Variants in TAFA1 observed in about 807,000 individuals in gnomAD.
TAFA1 encodes the protein chemokine-like protein TAFA-1.
Under a neutral mutation model 18.5 loss-of-function variants are expected in TAFA1, and 4 were observed. The ratio of observed to expected loss-of-function variants is 0.22; its 90% CI spans 0.11 to 0.49. The LOEUF (loss-of-function observed/expected upper bound fraction) is 0.49, where lower values mean the gene tolerates loss of function less well. Among genes scored for constraint, TAFA1 ranks in the 20% least tolerant of loss-of-function variants. The probability of loss-of-function intolerance (pLI) is 0.98; values close to 1 mark genes in which losing one functional copy is unlikely to be tolerated. For missense variants in TAFA1, 147 were observed against 169.0 expected (o/e 0.87, Z 0.72); for synonymous variants, 56 against 55.2 (o/e 1.01, Z -0.06).
At chr3:68,520,726 T>A (rs190326273) in intron 3 of TAFA1, among the ~76,000 whole-genome samples, 7 of 152,184 alleles carry the variant, frequency 4.6e-5, no homozygotes, top group Non-Finnish European at 7.3e-5. Context: ...AGTGTGATCA[T>A]GCATGTAAAG....
chr3:68,330,521 A>G (rs1184939656), intron 2 of TAFA1, among the ~76,000 whole-genome samples: 1 of 152,228 alleles, frequency 6.6e-6, no homozygotes, highest in Non-Finnish European at 1.5e-5. Context: ...AATAGAAATG[A>G]CAATTTATTG....
At chr3:68,039,522 T>C (rs1394334754) in intron 2 of TAFA1, among the ~76,000 whole-genome samples, 1 of 152,176 alleles carries the variant, frequency 6.6e-6, no homozygotes, top group Non-Finnish European at 1.5e-5. Context: ...ACGATTGATA[T>C]GATGTCATTC....
intron 3 of TAFA1, among the ~76,000 whole-genome samples, chr3:68,472,031 G>C (rs2872367): frequency 0.028 from 4,338 of 152,260 alleles, 104 homozygotes; most frequent in East Asian, 0.1. Context: ...TTAGGGGATT[G>C]TTGAGAAGCC....
chr3:68,416,354 G>C (rs2070838136), intron 2 of TAFA1, among the ~76,000 whole-genome samples: 1 of 152,158 alleles, frequency 6.6e-6, no homozygotes, highest in Non-Finnish European at 1.5e-5. Context: ...TGAATATAGA[G>C]GTTGCTTAAC....
intron 2 of TAFA1, among the ~76,000 whole-genome samples, chr3:68,386,068 T>A (rs887307473): frequency 6.6e-6 from 1 of 152,188 alleles, no homozygotes; most frequent in Non-Finnish European, 1.5e-5. Context: ...CCGAGCCTAA[T>A]ACTTTCACTA....
chr3:68,386,155 A>G (rs1001930436), intron 2 of TAFA1, among the ~76,000 whole-genome samples: 1 of 152,096 alleles, frequency 6.6e-6, no homozygotes, highest in African/African-American at 2.4e-5. Flanking sequence ...CACACCATGA[A>G]TAATATTTTT....
intron 2 of TAFA1, among the ~76,000 whole-genome samples, chr3:68,245,837 A>G (rs1185356365): frequency 6.6e-6 from 1 of 152,254 alleles, no homozygotes; most frequent in East Asian, 1.9e-4. Flanking sequence ...GTTTTGCGAA[A>G]TGTATAAGCT....
At chr3:68,039,020 T>C (rs1705110676) in intron 2 of TAFA1, among the ~76,000 whole-genome samples, 1 of 152,234 alleles carries the variant, frequency 6.6e-6, no homozygotes, top group Admixed American at 6.5e-5. Context: ...CTTCCTTCTC[T>C]AGTACACTAT....
chr3:68,180,113 C>T (rs1227941598), intron 2 of TAFA1, among the ~76,000 whole-genome samples: 4 of 151,354 alleles, frequency 2.6e-5, no homozygotes, highest in African/African-American at 7.3e-5. Flanking sequence ...CTGCAACCTC[C>T]ACCTCCCAGT....
rs140506240 is a variant in TAFA1, at chr3:68,339,237, C to T, written c.119-78043C>T. 9.9e-3 allele frequency among the ~76,000 whole-genome samples: 1,503 copies of T among 152,260 alleles called. 24 individuals carry two copies. Among genetic ancestry groups the T allele is most frequent in the African/African-American group, 0.035 (1,442 of 41,540 alleles). ...ATGCTCACTGAAATGTCATTGGTTT[C>T]TGAGTGTGGCATTAAAAGAACTGAA... On this transcript the variant is annotated intron_variant, in intron 2 of 4. Transcript: ENST00000478136.
chr3:68,385,117 C>T (rs2070063717), intron 2 of TAFA1, among the ~76,000 whole-genome samples: 1 of 151,970 alleles, frequency 6.6e-6, no homozygotes, highest in Admixed American at 6.6e-5. Flanking sequence ...CTTTCTTAAC[C>T]TCGCACTCCT....
intron 3 of TAFA1, among the ~76,000 whole-genome samples, chr3:68,457,508 G>GACTTGC (rs2106912771): frequency 6.6e-6 from 1 of 152,218 alleles, no homozygotes; most frequent in Admixed American, 6.5e-5. Context: ...TACACAAGTG[G>GACTTGC]ACTTGCACTG....
chr3:68,475,807 C>T (rs2072083329), intron 3 of TAFA1, among the ~76,000 whole-genome samples: 1 of 152,084 alleles, frequency 6.6e-6, no homozygotes, highest in South Asian at 2.1e-4. Context: ...TTCTCCACAT[C>T]CTCTCCAGCA....
At chr3:68,388,776 T>TA (rs1413308835) in intron 2 of TAFA1, among the ~76,000 whole-genome samples, 1 of 152,166 alleles carries the variant, frequency 6.6e-6, no homozygotes, top group Non-Finnish European at 1.5e-5. Flanking sequence ...GATTTTTTTT[T>TA]AATGTAAACT....
At chr3:68,187,095 A>G (rs1286903436) in intron 2 of TAFA1, among the ~76,000 whole-genome samples, 2 of 151,980 alleles carry the variant, frequency 1.3e-5, no homozygotes, top group Non-Finnish European at 2.9e-5. Context: ...TGAAACCTTG[A>G]ATTCTGAGTA....
chr3:68,278,138 G>A (rs1165577311), intron 2 of TAFA1, among the ~76,000 whole-genome samples: 2 of 152,030 alleles, frequency 1.3e-5, no homozygotes, highest in African/African-American at 4.8e-5. Flanking sequence ...TTTCAAAAAG[G>A]CTGTAATTAT....
intron 3 of TAFA1, among the ~76,000 whole-genome samples, chr3:68,469,846 T>A (rs1042817336): frequency 6.6e-6 from 1 of 152,204 alleles, no homozygotes; most frequent in Admixed American, 6.5e-5. Flanking sequence ...AGCTTCAGTT[T>A]TCTTATCTGC....
chr3:68,079,749 G>C (rs1054487819), intron 2 of TAFA1, among the ~76,000 whole-genome samples: 1 of 152,042 alleles, frequency 6.6e-6, no homozygotes, highest in Non-Finnish European at 1.5e-5. Context: ...GGTCAATTTT[G>C]GAATAGGTGT....
intron 3 of TAFA1, among the ~76,000 whole-genome samples, chr3:68,482,117 T>G (rs188065693): frequency 6.6e-6 from 1 of 152,362 alleles, no homozygotes; most frequent in Admixed American, 6.5e-5. Flanking sequence ...TTCATGCCAG[T>G]GTCCTGCCTC....
Sources: allele counts gnomAD v4.1 joint callset (sites outside exome capture counted in the v4.1 genomes callset), GRCh38; gene constraint gnomAD v4.1.1; transcripts MANE v1.5; gene names NCBI Gene and HGNC (gene_info 2026-07-23, HGNC 2026-07-21).